The following ST6GALNAC3 variants were observed in gnomAD, a reference collection of about 807,000 sequenced individuals.
ST6GALNAC3 encodes alpha-N-acetylgalactosaminide alpha-2,6-sialyltransferase 3.
ST6GALNAC3 carries 25 observed loss-of-function variants against 32.7 expected under a neutral mutation model. The ratio of observed to expected loss-of-function variants is 0.76; its 90% CI spans 0.56 to 1.07. ST6GALNAC3 has a LOEUF of 1.07. ST6GALNAC3 is among the 50% of genes least tolerant of loss of function. The probability of loss-of-function intolerance (pLI) is 0.00; values close to 1 mark genes in which losing one functional copy is unlikely to be tolerated. For missense variants in ST6GALNAC3, 355 were observed against 382.4 expected (o/e 0.93, Z 0.60); for synonymous variants, 129 against 133.1 (o/e 0.97, Z 0.21).
chr1:76,316,362 C>T (rs185828520), intron 2 of ST6GALNAC3, among the ~76,000 whole-genome samples: 2 of 152,096 alleles, frequency 1.3e-5, no homozygotes, highest in Admixed American at 6.6e-5. Flanking sequence ...TCCTAGTAGC[C>T]GGAACCTAGA....
chr1:76,105,024 C>G (rs1372602576), intron 1 of ST6GALNAC3, among the ~76,000 whole-genome samples: 4 of 152,128 alleles, frequency 2.6e-5, no homozygotes, highest in Non-Finnish European at 4.4e-5. Flanking sequence ...GGGGAAACAG[C>G]CAAATCATAT....
chr1:76,565,650 A>C (rs967537567), intron 3 of ST6GALNAC3, among the ~76,000 whole-genome samples: 1 of 152,160 alleles, frequency 6.6e-6, no homozygotes, highest in Non-Finnish European at 1.5e-5. Context: ...TTGATGTGTT[A>C]ATTGAGGCTA....
intron 1 of ST6GALNAC3, among the ~76,000 whole-genome samples, chr1:76,182,221 C>G (rs1191508077): frequency 1.3e-5 from 2 of 152,158 alleles, no homozygotes; most frequent in African/African-American, 4.8e-5. Flanking sequence ...AAAGATAAAT[C>G]ATGCCATTTG....
At chr1:76,294,346 G>A (rs964148064) in intron 1 of ST6GALNAC3, among the ~76,000 whole-genome samples, 1 of 151,018 alleles carries the variant, frequency 6.6e-6, no homozygotes, top group Non-Finnish European at 1.5e-5. Flanking sequence ...TTTTTGGTCT[G>A]AGCATATTTT....
At chr1:76,471,044 A>C (rs7550713) in intron 3 of ST6GALNAC3, among the ~76,000 whole-genome samples, 54,312 of 151,690 alleles carry the variant, frequency 0.36, 15,307 homozygotes, top group African/African-American at 0.8. Context: ...TATTTCTAAT[A>C]TTGTCCTACC....
At chr1:76,441,958 C>T (rs1233144769) in intron 3 of ST6GALNAC3, among the ~76,000 whole-genome samples, 1 of 152,158 alleles carries the variant, frequency 6.6e-6, no homozygotes, top group Non-Finnish European at 1.5e-5. Context: ...TAGAAGGTCT[C>T]TCATGCAGGA....
At chr1:76,420,852 C>T (rs910391762) in intron 3 of ST6GALNAC3, among the ~76,000 whole-genome samples, 18 of 152,080 alleles carry the variant, frequency 1.2e-4, no homozygotes, top group Admixed American at 3.9e-4. Flanking sequence ...GTTACCTTTT[C>T]ATGAAGCCTC....
intron 3 of ST6GALNAC3, among the ~76,000 whole-genome samples, chr1:76,450,992 A>C (rs1246920146): frequency 6.6e-6 from 1 of 152,156 alleles, no homozygotes; most frequent in Non-Finnish European, 1.5e-5. Flanking sequence ...TGATGTCTTC[A>C]GATTTGTTCT....
chr1:76,287,892 A>G (rs554761023), intron 1 of ST6GALNAC3, among the ~76,000 whole-genome samples: 4 of 152,340 alleles, frequency 2.6e-5, no homozygotes, highest in Admixed American at 1.3e-4. Flanking sequence ...ATTCCATTTT[A>G]CAGATGAAGA....
At chr1:76,394,112 G>A (rs1456133656) in intron 2 of ST6GALNAC3, among the ~76,000 whole-genome samples, 1 of 152,186 alleles carries the variant, frequency 6.6e-6, no homozygotes, top group Non-Finnish European at 1.5e-5. Context: ...TAGGGAGGCT[G>A]CTCTTGGATA....
At chr1:76,151,792 G>C (rs1448602973) in intron 1 of ST6GALNAC3, among the ~76,000 whole-genome samples, 2 of 152,204 alleles carry the variant, frequency 1.3e-5, no homozygotes, top group Non-Finnish European at 2.9e-5. Flanking sequence ...TTGCTTTGCT[G>C]CAGGTCCCAT....
chr1:76,570,675 T>C (rs1203024646), intron 3 of ST6GALNAC3, among the ~76,000 whole-genome samples: 1 of 152,088 alleles, frequency 6.6e-6, no homozygotes, highest in Non-Finnish European at 1.5e-5. Context: ...TTATTGTGTT[T>C]GTTTTTACTC....
chr1:76,164,749 AT>A (rs1391071757), intron 1 of ST6GALNAC3, among the ~76,000 whole-genome samples: 3 of 152,220 alleles, frequency 2.0e-5, no homozygotes, highest in Non-Finnish European at 2.9e-5. Flanking sequence ...AAAGATAAAA[AT>A]AATTTGAGTA....
chr1:76,566,590 C>G (rs186574947), intron 3 of ST6GALNAC3, among the ~76,000 whole-genome samples: 1 of 152,064 alleles, frequency 6.6e-6, no homozygotes, highest in Non-Finnish European at 1.5e-5. Context: ...CTCTTCCCTG[C>G]GCTACCCAGT....
In ST6GALNAC3 at chr1:76,632,262, A is replaced by G. The variant is rs1273518614; in HGVS notation, c.*3456A>G. ...CTGATTGCTAAGAGTACGTAAAATCATATTCAAAAGCTGGCCAGAAGAATA... is the reference window on the plus strand; with the variant it reads ...CTGATTGCTAAGAGTACGTAAAATCGTATTCAAAAGCTGGCCAGAAGAATA... On this transcript the variant is annotated 3_prime_UTR_variant, in exon 5 of 5. Transcript: ENST00000328299. 4 of 152,166 alleles carry G rather than the reference A, an allele frequency of 2.6e-5. No individual in the cohort carries two copies. In the East Asian group the frequency reaches 7.7e-4, roughly 29 times the overall value. 9.4% of individuals were successfully genotyped at this position (152,166 alleles called of 1,614,324 possible).
rs1557728614 is a variant in ST6GALNAC3, at chr1:76,252,391, G to A, written c.19-61414G>A. On this transcript the variant is annotated intron_variant, in intron 1 of 4. Transcript: ENST00000328299. ...TGGGAATAAATAGGATAATGCTTAT[G>A]TTGTGTTTAGTCAAGTTCTTTCATG... 2.6e-5 allele frequency among the ~76,000 whole-genome samples: 4 copies of A among 152,172 alleles called. No homozygotes were observed. In the South Asian group the frequency reaches 8.3e-4, roughly 31 times the overall value.
intron 1 of ST6GALNAC3, among the ~76,000 whole-genome samples, chr1:76,313,075 T>A (rs1021025315): frequency 6.6e-6 from 1 of 152,178 alleles, no homozygotes; most frequent in Non-Finnish European, 1.5e-5. Context: ...CTTTTTTGAA[T>A]CTTACTTTTG....
chr1:76,366,439 G>T (rs942728922), intron 2 of ST6GALNAC3, among the ~76,000 whole-genome samples: 1 of 151,848 alleles, frequency 6.6e-6, no homozygotes, highest in African/African-American at 2.4e-5. Context: ...CTGATTTTTT[G>T]AAAAAACATT....
chr1:76,606,002 A>G (rs2100649320), intron 3 of ST6GALNAC3, among the ~76,000 whole-genome samples: 1 of 152,222 alleles, frequency 6.6e-6, no homozygotes, highest in African/African-American at 2.4e-5. Flanking sequence ...GCAAATTAAA[A>G]CCACAATGAG....
Sources: gnomAD v4.1 joint callset for allele counts (sites outside exome capture counted in the v4.1 genomes callset) on GRCh38, gnomAD v4.1.1 for gene constraint, MANE v1.5 for transcripts, NCBI Gene and HGNC (gene_info 2026-07-23, HGNC 2026-07-21) for gene names.